Variants in LYST observed in about 807,000 individuals in gnomAD.
The protein encoded by LYST is lysosomal trafficking regulator.
LYST carries 192 observed loss-of-function variants against 413.6 expected under a neutral mutation model. The ratio of observed to expected loss-of-function variants is 0.46; its 90% confidence interval spans 0.41 to 0.52. The LOEUF is 0.52. Among genes scored for constraint, LYST ranks in the 20% least tolerant of loss-of-function variants. LYST has a pLI of 0.00. For missense variants in LYST, 3,815 were observed against 4,499.9 expected (o/e 0.85, Z 4.35); for synonymous variants, 1,525 against 1,567.3 (o/e 0.97, Z 0.64).
chr1:235,723,150 A>G (rs2103171907), intron 39 of LYST, among the ~76,000 whole-genome samples: 1 of 152,334 alleles, frequency 6.6e-6, no homozygotes, highest in South Asian at 2.1e-4. Flanking sequence ...CATTGGAAAG[A>G]TGGAGTTGTC....
In LYST at chr1:235,759,601, T is replaced by C. The variant is rs1211726408; in HGVS notation, c.6254-2A>G. On this transcript the variant is annotated splice_acceptor_variant, in intron 22 of 52. Transcript: ENST00000389793. LOFTEE classifies it high-confidence loss of function. The stretch of plus-strand genomic sequence containing the variant: ...GAATAATATTAGAGGAATTCTCTCC[T>C]GGTAAGAGTAGATACAAAAATACTA... 2.5e-6 allele frequency: 4 copies of C among 1,610,738 alleles called. No individual in the cohort carries two copies. Among genetic ancestry groups the C allele is most frequent in the South Asian group, 1.1e-5 (1 of 91,012 alleles).
rs780701390 is a variant in LYST, at chr1:235,702,778, G to A, written c.10343C>T (p.Thr3448Ile). Residue 3448 changes from threonine to isoleucine, a missense_variant, in exon 45 of 53, where the codon ACC becomes ATC. Physicochemically the swap from Thr to Ile is moderately conservative, Grantham distance 89. Around this residue, in one of 4 missense-constraint regions of LYST, gnomAD observed 866 missense variants for 1,156.0 expected, o/e 0.75. Coordinates refer to ENST00000389793, the MANE Select transcript of LYST (RefSeq NM_000081.4). ...GGTGATTTCTTTGACCTGTTCTCGG[G>A]TCTCCCTGAAAGCAAACTGCACTAG... Reference protein sequence around the residue: ...GLLVQFAFRETREQVKEITYP... With the variant: ...GLLVQFAFREIREQVKEITYP... The A allele has an allele frequency of 1.2e-6, 2 of 1,613,964 alleles. No homozygotes were observed. The highest frequency in any genetic ancestry group is 2.7e-5 in the African/African-American group (2 of 74,874).
chr1:235,864,726 G>GT (rs1459127321), intron 1 of LYST, among the ~76,000 whole-genome samples: 2 of 152,208 alleles, frequency 1.3e-5, no homozygotes, highest in African/African-American at 4.8e-5. Flanking sequence ...GAGCCCAGGA[G>GT]TTTGAGACCA....
At chr1:235,698,675 T>G (rs1015000747) in intron 45 of LYST, among the ~76,000 whole-genome samples, 4 of 151,960 alleles carry the variant, frequency 2.6e-5, no homozygotes, top group Non-Finnish European at 5.9e-5. Context: ...ATCAAGACCA[T>G]CCTGGTTAAC....
At chr1:235,861,084 A>G (rs1679811932) in intron 1 of LYST, among the ~76,000 whole-genome samples, 1 of 152,090 alleles carries the variant, frequency 6.6e-6, no homozygotes, top group Admixed American at 6.5e-5. Context: ...ATTGCTTTTT[A>G]AAGATGAGTG....
chr1:235,801,080 C>G lies in LYST; in HGVS notation c.3730G>C (p.Glu1244Gln), dbSNP rs777087362. The G allele has an allele frequency of 3.1e-6, 5 of 1,609,236 alleles. No homozygotes were observed. In the East Asian group the frequency reaches 1.1e-4, roughly 36 times the overall value. The change falls in exon 9 of 53, where the codon GAA becomes CAA. Residue 1244 changes from glutamate to glutamine, a missense_variant. Physicochemically the swap from Glu to Gln is conservative, Grantham distance 29. Transcript: ENST00000389793. ...TQDDGVDLKS[E>Q]TEGFSASSSP... is the part of the protein sequence containing the mutation. ...CTTGATGCACTGAAACCTTCTGTTT[C>G]AGACTTTAAGTCTACCCCTGAAAAG...
At chr1:235,849,775 C>CAAAAAAAAAAAAAAA (rs57262471) in intron 1 of LYST, among the ~76,000 whole-genome samples, 1 of 61,842 alleles carries the variant, frequency 1.6e-5, no homozygotes, top group Non-Finnish European at 3.3e-5. Context: ...ACAATAGCTC[C>CAAAAAAAAAAAAAAA]AAAAAAAAAA....
chr1:235,848,736 C>T (rs191474959), intron 1 of LYST, among the ~76,000 whole-genome samples: 124 of 152,102 alleles, frequency 8.2e-4, no homozygotes, highest in Admixed American at 5.7e-3. Context: ...TCATTCAAGG[C>T]TACTACGAAT....
intron 28 of LYST, chr1:235,747,214 T>G: frequency 2.2e-6 from 1 of 450,622 alleles, no homozygotes; most frequent in South Asian, 1.6e-5. Context: ...AGGAGAAAAC[T>G]GGGGGGATGA....
intron 20 of LYST, among the ~76,000 whole-genome samples, chr1:235,768,453 C>A (rs1233223810): frequency 1.3e-5 from 2 of 151,948 alleles, no homozygotes; most frequent in Non-Finnish European, 2.9e-5. Context: ...TCCTAAAGTG[C>A]ACAAACACTC....
chr1:235,877,915 A>T (rs1367452346), intron 1 of LYST, among the ~76,000 whole-genome samples: 3 of 151,612 alleles, frequency 2.0e-5, no homozygotes, highest in Non-Finnish European at 4.4e-5. Context: ...TGCAGACATT[A>T]GGTTGGCAAA....
At chr1:235,737,131 G>C (rs975977855) in intron 31 of LYST, 16 of 152,168 alleles carry the variant, frequency 1.1e-4, no homozygotes, top group Middle Eastern at 3.4e-3. Context: ...TTATAATACA[G>C]TATTTTCACT....
intron 47 of LYST, 43 bp downstream of exon 47, chr1:235,693,307 T>G: frequency 6.9e-7 from 1 of 1,445,090 alleles, no homozygotes; most frequent in Non-Finnish European, 9.6e-7. Flanking sequence ...AGAGTGAGAC[T>G]CCGTCTTAAA....
Position 235,766,139 on chromosome 1 carries a change from G to GTC in LYST, c.6060_6061insGA (p.Pro2021AspfsTer21). ...TGACAAACGTAAGTATTAGTAGGAGGGTGAACTGCTAAAAGGAAATTGAAG... is the reference window on the plus strand; with the variant it reads ...TGACAAACGTAAGTATTAGTAGGAGGTCGTGAACTGCTAAAAGGAAATTGAAG... On this transcript the variant is annotated frameshift_variant, in exon 21 of 53. Coordinates refer to ENST00000389793, the MANE Select transcript of LYST (RefSeq NM_000081.4). LOFTEE classifies it high-confidence loss of function. 1.2e-6 allele frequency: 2 copies of GTC among 1,613,200 alleles called. No individual in the cohort carries two copies. Among genetic ancestry groups the GTC allele is most frequent in the Non-Finnish European group, 1.7e-6 (2 of 1,179,276 alleles).
At chr1:235,770,337 G>A (rs1355484868) in intron 19 of LYST, 40 bp from the exon 20 acceptor site, 1 of 1,600,646 alleles carries the variant, frequency 6.2e-7, no homozygotes, top group South Asian at 1.1e-5. Flanking sequence ...CATACTTACT[G>A]AAAAATATGC....
intron 1 of LYST, among the ~76,000 whole-genome samples, chr1:235,881,414 G>A (rs2385029): frequency 0.86 from 130,830 of 152,180 alleles, 56,552 homozygotes; most frequent in East Asian, 1. Flanking sequence ...ATGCACAATC[G>A]GCTTTGAGGA....
chr1:235,737,666 C>A (rs55857914), intron 31 of LYST: 219 of 153,630 alleles, frequency 1.4e-3, no homozygotes, highest in African/African-American at 5.1e-3. Context: ...CTTGAATCTA[C>A]AGAGGTGTTA....
rs200456494 is a variant in LYST at position 235,805,812 on chromosome 1, G to C, written c.3324C>G (p.Ala1108=). Residue 1108 remains alanine, a synonymous_variant, in exon 6 of 53, where the codon GCC becomes GCG. Coordinates refer to ENST00000389793, the MANE Select transcript of LYST (RefSeq NM_000081.4). ...TSLQSIRLLE[A]LLAICLHGAR... is the part of the protein sequence containing the mutation. The stretch of plus-strand genomic sequence containing the variant: ...CACCATGAAGACAAATGGCCAGAAG[G>C]GCTTCCAAAAGTCGTATACTTTGAA... 6.2e-7 allele frequency: 1 copy of C among 1,613,452 alleles called. No individual in the cohort carries two copies. Among genetic ancestry groups the C allele is most frequent in the South Asian group, 1.1e-5 (1 of 91,052 alleles).
At position 235,766,605 on chromosome 1, in the gene LYST, C is replaced by G. The variant is rs187314331; in HGVS notation, c.5923-328G>C. Among the ~76,000 whole-genome samples the G allele has an allele frequency of 2.7e-4, 41 of 152,258 alleles. 3 individuals are homozygous for G. The highest frequency in any genetic ancestry group is 9.9e-4 in the African/African-American group (41 of 41,576). ...GCATTCTGGTTTCTCCACTCACTAG[C>G]CATGTGATCTTAGGTAAGTTACTTA... On this transcript the variant is annotated intron_variant, in intron 20 of 52. Coordinates refer to ENST00000389793, the MANE Select transcript of LYST (RefSeq NM_000081.4).
Sources: gnomAD v4.1 joint callset for allele counts (sites outside exome capture counted in the v4.1 genomes callset) on GRCh38, gnomAD v4.1.1 for gene constraint, gnomAD v4.1.1 regional missense constraint, MANE v1.5 for transcripts, NCBI Gene and HGNC (gene_info 2026-07-23, HGNC 2026-07-21) for gene names.